MYO3B: variants seen among roughly 807,000 people sequenced by gnomAD.
The protein encoded by MYO3B is myosin-IIIb.
Under a neutral mutation model 174.6 loss-of-function variants are expected in MYO3B, and 156 were observed. The ratio of observed to expected loss-of-function variants is 0.89; its 90% CI spans 0.78 to 1.02. The LOEUF (loss-of-function observed/expected upper bound fraction) is 1.02. Ranked by LOEUF, MYO3B falls within the 50% of genes least tolerant of loss-of-function variation. The pLI, the probability that MYO3B is intolerant of heterozygous loss-of-function variation, is 0.00. For missense variants in MYO3B, 1,632 were observed against 1,639.4 expected (o/e 1.00, Z 0.08); for synonymous variants, 563 against 569.1 (o/e 0.99, Z 0.15).
In MYO3B at chr2:170,401,680, C is replaced by A; in HGVS notation, c.2118C>A (p.Asp706Glu). The A allele has an allele frequency of 6.2e-7, 1 of 1,613,628 alleles. No homozygotes were observed. The highest frequency in any genetic ancestry group is 1.1e-5 in the South Asian group (1 of 91,070). ...VNRINTLLQP[D>E]ENICSAGGGM... Reference sequence around the variant, plus strand: ...GCATTAATACACTCCTGCAGCCAGACGAAAACATATGGCAAGTTCCTCGGA... The same window carrying A: ...GCATTAATACACTCCTGCAGCCAGAAGAAAACATATGGCAAGTTCCTCGGA... Residue 706 changes from aspartate (D) to glutamate (E), a missense_variant, in exon 18 of 35, where the codon GAC becomes GAA. Physicochemically the swap from Asp to Glu is conservative, Grantham distance 45. Coordinates refer to ENST00000408978, the MANE Select transcript of MYO3B (RefSeq NM_138995.5).
At chr2:170,185,796 T>C (rs1364246054) in intron 1 of MYO3B, among the ~76,000 whole-genome samples, 1 of 152,178 alleles carries the variant, frequency 6.6e-6, no homozygotes, top group Non-Finnish European at 1.5e-5. Flanking sequence ...CTTTCCCTTT[T>C]CATGTGTGTC....
chr2:170,398,478 C>T (rs2094454324), intron 16 of MYO3B, among the ~76,000 whole-genome samples: 1 of 151,896 alleles, frequency 6.6e-6, no homozygotes, highest in African/African-American at 2.4e-5. Context: ...ATGTCTAATC[C>T]CTCTCTGCTC....
At chr2:170,413,682 G>A (rs2094559975) in intron 22 of MYO3B, among the ~76,000 whole-genome samples, 1 of 151,378 alleles carries the variant, frequency 6.6e-6, no homozygotes, top group East Asian at 1.9e-4. Context: ...AAAATGTAAG[G>A]TTAAGATGTT....
intron 25 of MYO3B, among the ~76,000 whole-genome samples, chr2:170,489,634 GGTGTGTGTGTGTGT>G (rs369174830): frequency 1.4e-5 from 2 of 139,394 alleles, no homozygotes; most frequent in East Asian, 2.1e-4. Flanking sequence ...AACCAGTAGG[GGTGTGTGTGTGTGT>G]GTGTGTGTGT....
intron 22 of MYO3B, among the ~76,000 whole-genome samples, chr2:170,416,751 T>TTTCCTG (rs1211182503): frequency 6.6e-6 from 1 of 151,238 alleles, no homozygotes; most frequent in Non-Finnish European, 1.5e-5. Flanking sequence ...TTCCAAGCCT[T>TTTCCTG]TTCCTGACTC....
At chr2:170,599,761 A>T (rs1401631791) in intron 32 of MYO3B, among the ~76,000 whole-genome samples, 1 of 152,192 alleles carries the variant, frequency 6.6e-6, no homozygotes, top group African/African-American at 2.4e-5. Flanking sequence ...AAAACAACAA[A>T]AAAAGTTCTT....
chr2:170,501,119 T>G (rs1315259420), intron 27 of MYO3B, among the ~76,000 whole-genome samples: 1 of 152,146 alleles, frequency 6.6e-6, no homozygotes, highest in East Asian at 1.9e-4. Flanking sequence ...CGTGGGTGGC[T>G]TAATGCCCCA....
intron 8 of MYO3B, among the ~76,000 whole-genome samples, chr2:170,367,288 A>C (rs1250611182): frequency 6.6e-6 from 1 of 152,252 alleles, no homozygotes; most frequent in African/African-American, 2.4e-5. Context: ...GGGTGGGATG[A>C]ATATTATGTG....
intron 22 of MYO3B, among the ~76,000 whole-genome samples, chr2:170,419,864 A>G (rs2094604071): frequency 6.6e-6 from 1 of 152,162 alleles, no homozygotes; most frequent in African/African-American, 2.4e-5. Context: ...AAAGCTGCGA[A>G]TTGATGTAAC....
At chr2:170,563,145 C>CACAT (rs1691850586) in intron 32 of MYO3B, among the ~76,000 whole-genome samples, 1 of 146,260 alleles carries the variant, frequency 6.8e-6, no homozygotes, top group African/African-American at 2.6e-5. Context: ...CACACACACA[C>CACAT]ATACACACAC....
At chr2:170,246,190 C>T (rs1346495911) in intron 7 of MYO3B, among the ~76,000 whole-genome samples, 1 of 152,184 alleles carries the variant, frequency 6.6e-6, no homozygotes. Context: ...ACTACAGAGT[C>T]TCCCTCTGGA....
chr2:170,345,610 C>T (rs939472591), intron 8 of MYO3B, among the ~76,000 whole-genome samples: 4 of 152,038 alleles, frequency 2.6e-5, no homozygotes, highest in African/African-American at 9.7e-5. Flanking sequence ...AACCTTCAGG[C>T]TCAAGCAGTG....
chr2:170,244,831 T>C (rs912480125), intron 7 of MYO3B, among the ~76,000 whole-genome samples: 2 of 152,226 alleles, frequency 1.3e-5, no homozygotes, highest in Non-Finnish European at 2.9e-5. Flanking sequence ...TTAGACATAA[T>C]ATATTTGTAT....
At chr2:170,376,717 A>C (rs1173595226) in intron 9 of MYO3B, among the ~76,000 whole-genome samples, 1 of 151,688 alleles carries the variant, frequency 6.6e-6, no homozygotes, top group Non-Finnish European at 1.5e-5. Context: ...GACGGAGGAG[A>C]GGGTTCTTAT....
intron 32 of MYO3B, among the ~76,000 whole-genome samples, chr2:170,637,046 C>CATT (rs990564353): frequency 6.6e-6 from 1 of 151,508 alleles, no homozygotes. Flanking sequence ...AGGAGATACC[C>CATT]ATTTCTCAGC....
At chr2:170,329,310 G>A (rs1300976545) in intron 7 of MYO3B, among the ~76,000 whole-genome samples, 1 of 151,248 alleles carries the variant, frequency 6.6e-6, no homozygotes, top group African/African-American at 2.4e-5. Context: ...GTAATAAAAG[G>A]TCTAAAAGAA....
In MYO3B at chr2:170,327,278, G is replaced by A. The variant is rs541483806; in HGVS notation, c.750-8107G>A. 1.4e-3 allele frequency among the ~76,000 whole-genome samples: 209 copies of A among 152,304 alleles called. 2 individuals are homozygous for A. Among genetic ancestry groups the A allele is most frequent in the African/African-American group, 4.6e-3 (192 of 41,560 alleles). ...CACATGCCTGTATTCCCAACTACTC[G>A]GGAGGCTGAGGCAGGAGAATCGCTT... On this transcript the variant is annotated intron_variant, in intron 7 of 34. Transcript: ENST00000408978.
At chr2:170,428,344 T>G (rs542585671) in intron 22 of MYO3B, among the ~76,000 whole-genome samples, 1 of 152,234 alleles carries the variant, frequency 6.6e-6, no homozygotes, top group Non-Finnish European at 1.5e-5. Context: ...AAATAATACA[T>G]TTTGCAGATT....
intron 7 of MYO3B, among the ~76,000 whole-genome samples, chr2:170,245,254 C>A (rs2093177203): frequency 6.6e-6 from 1 of 152,118 alleles, no homozygotes. Flanking sequence ...CTCTAACTAG[C>A]AAATAGAACC....
Sources: allele counts gnomAD v4.1 joint callset (sites outside exome capture counted in the v4.1 genomes callset), GRCh38; gene constraint gnomAD v4.1.1; transcripts MANE v1.5; gene names NCBI Gene and HGNC (gene_info 2026-07-23, HGNC 2026-07-21).